FBXL17: variants seen among roughly 807,000 people sequenced by gnomAD.
FBXL17 encodes the protein F-box and leucine rich repeat protein 17, also known as F-box/LRR-repeat protein 17.
A neutral mutation model predicts 66.2 loss-of-function variants in FBXL17; 22 were observed. The observed-to-expected ratio is 0.33, with a 90% CI of 0.24 to 0.47. The LOEUF (loss-of-function observed/expected upper bound fraction) is 0.47. Among genes scored for constraint, FBXL17 ranks in the 20% least tolerant of loss-of-function variants. The pLI is 1.00. For synonymous variants in FBXL17, 474 were observed against 400.5 expected (o/e 1.18, Z -2.19); for missense variants, 878 against 948.2 (o/e 0.93, Z 0.97).
intron 4 of FBXL17, among the ~76,000 whole-genome samples, chr5:108,341,090 T>C (rs1174841681): frequency 6.6e-6 from 1 of 152,108 alleles, no homozygotes; most frequent in Non-Finnish European, 1.5e-5. Context: ...AGTAAAACAG[T>C]AGAAGCAATG....
chr5:108,152,636 T>A (rs755871021), intron 6 of FBXL17, among the ~76,000 whole-genome samples: 4 of 151,790 alleles, frequency 2.6e-5, no homozygotes, highest in Non-Finnish European at 4.4e-5. Flanking sequence ...AAATGAAGAG[T>A]CAGTTTTACA....
chr5:108,044,418 C>T (rs1023275417), intron 6 of FBXL17, among the ~76,000 whole-genome samples: 20 of 152,072 alleles, frequency 1.3e-4, no homozygotes, highest in African/African-American at 2.2e-4. Context: ...TTGTCAAATG[C>T]TTTTTTGACA....
chr5:108,240,285 T>C (rs1280077887), intron 4 of FBXL17, among the ~76,000 whole-genome samples: 1 of 152,182 alleles, frequency 6.6e-6, no homozygotes, highest in Non-Finnish European at 1.5e-5. Flanking sequence ...CATTAGCTCT[T>C]GGATGGCATT....
intron 6 of FBXL17, among the ~76,000 whole-genome samples, chr5:108,043,797 T>G (rs768319965): frequency 6.6e-6 from 1 of 152,194 alleles, no homozygotes; most frequent in East Asian, 1.9e-4. Context: ...ATGTATCAAT[T>G]TGGGGAGAAA....
intron 6 of FBXL17, among the ~76,000 whole-genome samples, chr5:108,068,517 G>A (rs754120266): frequency 1.8e-4 from 28 of 151,738 alleles, no homozygotes; most frequent in Non-Finnish European, 2.9e-4. Context: ...GTGCAGTGGC[G>A]CAATCTCGGC....
At chr5:107,946,255 T>TTTTATATATA (rs1208616623) in intron 7 of FBXL17, among the ~76,000 whole-genome samples, 2 of 40,398 alleles carry the variant, frequency 5.0e-5, no homozygotes, top group East Asian at 4.7e-4. Context: ...CAATCTCATT[T>TTTTATATATA]TATATATATA....
intron 7 of FBXL17, among the ~76,000 whole-genome samples, chr5:108,015,299 A>G (rs1366184106): frequency 2.6e-5 from 4 of 152,302 alleles, no homozygotes; most frequent in Non-Finnish European, 2.9e-5. Flanking sequence ...ATATTTAAAT[A>G]ATAGAATGGA....
chr5:108,286,149 A>G (rs1362437595), intron 4 of FBXL17, among the ~76,000 whole-genome samples: 1 of 152,016 alleles, frequency 6.6e-6, no homozygotes, highest in Admixed American at 6.6e-5. Context: ...CTTCAAAATA[A>G]TAAGACCCAT....
At chr5:108,238,596 C>T (rs1041296452) in intron 4 of FBXL17, among the ~76,000 whole-genome samples, 1 of 152,172 alleles carries the variant, frequency 6.6e-6, no homozygotes, top group African/African-American at 2.4e-5. Flanking sequence ...CTGCAGCCTT[C>T]ACTTCCCAGG....
At chr5:108,203,442 T>A (rs575103550) in intron 5 of FBXL17, among the ~76,000 whole-genome samples, 43 of 152,282 alleles carry the variant, frequency 2.8e-4, no homozygotes, top group African/African-American at 1.0e-3. Context: ...CAGGCCTAGA[T>A]AATCAAAGCT....
chr5:108,245,514 CAAAT>C (rs1032926063), intron 4 of FBXL17, among the ~76,000 whole-genome samples: 2 of 152,134 alleles, frequency 1.3e-5, no homozygotes. Flanking sequence ...TCATGTCAGA[CAAAT>C]AAATTCACAG....
intron 6 of FBXL17, among the ~76,000 whole-genome samples, chr5:108,051,271 G>A (rs1343438089): frequency 6.6e-6 from 1 of 152,148 alleles, no homozygotes; most frequent in Non-Finnish European, 1.5e-5. Flanking sequence ...AAACTGGGAA[G>A]AGACACAACA....
chr5:107,998,972 A>G (rs904423466), intron 7 of FBXL17, among the ~76,000 whole-genome samples: 4 of 152,154 alleles, frequency 2.6e-5, no homozygotes, highest in African/African-American at 7.2e-5. Flanking sequence ...CTGAAGGCGA[A>G]TACCATGCCC....
At chr5:108,083,270 T>C (rs1178678345) in intron 6 of FBXL17, among the ~76,000 whole-genome samples, 1 of 140,230 alleles carries the variant, frequency 7.1e-6, no homozygotes, top group Non-Finnish European at 1.6e-5. Context: ...GATAGACAGA[T>C]ATATTAAGAC....
At chr5:107,868,213 CTTAGGTAAGATGGTGTGGTG>C (rs1748338956) in intron 8 of FBXL17, among the ~76,000 whole-genome samples, 1 of 152,152 alleles carries the variant, frequency 6.6e-6, no homozygotes, top group Non-Finnish European at 1.5e-5. Context: ...TGCCTGGCCC[CTTAGGTAAGATGGTGTGGTG>C]TGGAAAGTGT....
chr5:108,311,503 C>A (rs1012921979), intron 4 of FBXL17, among the ~76,000 whole-genome samples: 58 of 152,206 alleles, frequency 3.8e-4, no homozygotes, highest in Middle Eastern at 3.4e-3. Context: ...TAATTCTCTT[C>A]ATGTTCTTTA....
intron 6 of FBXL17, among the ~76,000 whole-genome samples, chr5:108,062,870 C>A (rs2112847568): frequency 6.6e-6 from 1 of 152,210 alleles, no homozygotes; most frequent in African/African-American, 2.4e-5. Flanking sequence ...TTTCCTTTCA[C>A]CTCATTATTA....
intron 5 of FBXL17, among the ~76,000 whole-genome samples, chr5:108,222,842 T>C (rs1448093122): frequency 6.6e-6 from 1 of 151,884 alleles, no homozygotes; most frequent in Admixed American, 6.6e-5. Context: ...GCCCAGCTAA[T>C]TTTTGTCTTT....
intron 6 of FBXL17, among the ~76,000 whole-genome samples, chr5:108,042,198 G>C (rs183222894): frequency 6.6e-6 from 1 of 152,088 alleles, no homozygotes; most frequent in East Asian, 1.9e-4. Context: ...CTGGCCTTCA[G>C]TTTTTTATCA....
Sources: gnomAD v4.1 joint callset for allele counts (sites outside exome capture counted in the v4.1 genomes callset) on GRCh38, gnomAD v4.1.1 for gene constraint, MANE v1.5 for transcripts, NCBI Gene and HGNC (gene_info 2026-07-23, HGNC 2026-07-21) for gene names.